The following DNM3 variants were observed in gnomAD, a reference collection of about 807,000 sequenced individuals.
The protein encoded by DNM3 is dynamin 3.
DNM3 carries 47 observed loss-of-function variants against 101.6 expected under a neutral mutation model. The ratio of observed to expected loss-of-function variants is 0.46; its 90% CI spans 0.37 to 0.59. The LOEUF (loss-of-function observed/expected upper bound fraction) is 0.59. Among genes scored for constraint, DNM3 ranks in the 20% least tolerant of loss-of-function variants. The pLI is 0.00. For missense variants in DNM3, 849 were observed against 1,085.7 expected, an observed-to-expected ratio of 0.78 and a Z score of 3.06; for synonymous variants, 385 against 387.9, an observed-to-expected ratio of 0.99 and a Z score of 0.09.
intron 2 of DNM3, among the ~76,000 whole-genome samples, chr1:171,934,109 G>A (rs2125380263): frequency 6.6e-6 from 1 of 152,286 alleles, no homozygotes; most frequent in African/African-American, 2.4e-5. Flanking sequence ...TGATGAAAAT[G>A]CCTTTTGTGT....
At chr1:171,995,620 C>A (rs1017718831) in intron 4 of DNM3, among the ~76,000 whole-genome samples, 8 of 152,178 alleles carry the variant, frequency 5.3e-5, no homozygotes, top group African/African-American at 1.7e-4. Flanking sequence ...TAACAACAAA[C>A]TTTTCATATA....
At chr1:171,868,738 G>T (rs531604850) in intron 1 of DNM3, among the ~76,000 whole-genome samples, 25 of 152,088 alleles carry the variant, frequency 1.6e-4, no homozygotes, top group African/African-American at 5.1e-4. Context: ...TGATTGAGCA[G>T]TTGTGGTGTG....
chr1:172,395,207 A>T (rs1427382616), intron 20 of DNM3, among the ~76,000 whole-genome samples: 1 of 145,012 alleles, frequency 6.9e-6, no homozygotes, highest in Non-Finnish European at 1.5e-5. Context: ...CGGAGTCTCT[A>T]TCACCCAGGC....
intron 10 of DNM3, among the ~76,000 whole-genome samples, chr1:172,063,381 T>C (rs978190094): frequency 1.3e-5 from 2 of 151,202 alleles, no homozygotes; most frequent in South Asian, 2.1e-4. Flanking sequence ...TTTTTTTTTT[T>C]CTCTAGGAAA....
In DNM3 at chr1:172,411,637, T is replaced by C. The variant is rs1046367201; in HGVS notation, c.*3796T>C. Reference sequence around the variant, plus strand: ...GAGAAGCTATCTAATACCTTGGAGGTAGGTCATCCACTTTTTCAGGTAAAC... The same window carrying C: ...GAGAAGCTATCTAATACCTTGGAGGCAGGTCATCCACTTTTTCAGGTAAAC... On this transcript the variant is annotated 3_prime_UTR_variant, in exon 21 of 21. Coordinates refer to ENST00000627582, the MANE Select transcript of DNM3 (RefSeq NM_015569.5). 5.0e-5 allele frequency: 49 copies of C among 984,958 alleles called. No individual in the cohort carries two copies. Among genetic ancestry groups the C allele is most frequent in the Non-Finnish European group, 5.7e-5 (47 of 829,784 alleles). 61.0% of individuals were successfully genotyped at this position (984,958 alleles called of 1,614,324 possible).
At chr1:172,069,436 A>G (rs1352338737) in intron 11 of DNM3, among the ~76,000 whole-genome samples, 1 of 152,154 alleles carries the variant, frequency 6.6e-6, no homozygotes, top group African/African-American at 2.4e-5. Context: ...TCTTTTAAAC[A>G]TTTCTATTTT....
At chr1:171,920,562 C>A (rs947668106) in intron 1 of DNM3, among the ~76,000 whole-genome samples, 2 of 152,162 alleles carry the variant, frequency 1.3e-5, no homozygotes, top group Non-Finnish European at 2.9e-5. Context: ...TTGAGAAAAA[C>A]TGCCACTGAG....
At chr1:172,220,693 A>C (rs2060875638) in intron 14 of DNM3, among the ~76,000 whole-genome samples, 1 of 152,166 alleles carries the variant, frequency 6.6e-6, no homozygotes, top group African/African-American at 2.4e-5. Flanking sequence ...AAGGGAAAGC[A>C]GTGTGTTTAA....
intron 16 of DNM3, among the ~76,000 whole-genome samples, chr1:172,316,254 G>A (rs1239065827): frequency 6.6e-6 from 1 of 151,970 alleles, no homozygotes; most frequent in African/African-American, 2.4e-5. Flanking sequence ...AACATGGAAA[G>A]GAAAAACCGG....
chr1:171,888,322 A>T (rs2036962285), intron 1 of DNM3, among the ~76,000 whole-genome samples: 1 of 152,190 alleles, frequency 6.6e-6, no homozygotes, highest in Admixed American at 6.6e-5. Flanking sequence ...ATTCTCACTT[A>T]GAGTAGGGGG....
intron 2 of DNM3, among the ~76,000 whole-genome samples, chr1:171,948,452 G>A (rs905952220): frequency 5.9e-5 from 9 of 152,122 alleles, no homozygotes; most frequent in Non-Finnish European, 1.0e-4. Flanking sequence ...GTTTTTGGGT[G>A]CTTGAGAATG....
intron 17 of DNM3, among the ~76,000 whole-genome samples, chr1:172,331,237 A>G (rs1417112582): frequency 5.3e-5 from 8 of 152,192 alleles, no homozygotes; most frequent in Non-Finnish European, 1.5e-5. Context: ...TAATATACAA[A>G]TAATGTATAC....
intron 14 of DNM3, among the ~76,000 whole-genome samples, chr1:172,244,375 G>A (rs2061865536): frequency 6.6e-6 from 1 of 152,046 alleles, no homozygotes; most frequent in Non-Finnish European, 1.5e-5. Context: ...AAACTAAAGA[G>A]CTTCTGCACA....
At chr1:172,365,284 C>T (rs1193083162) in intron 17 of DNM3, among the ~76,000 whole-genome samples, 3 of 151,830 alleles carry the variant, frequency 2.0e-5, no homozygotes, top group Non-Finnish European at 4.4e-5. Flanking sequence ...CTGAGTTTGC[C>T]TCAAAATAGT....
At chr1:172,378,455 G>C (rs148058976) in intron 17 of DNM3, among the ~76,000 whole-genome samples, 1 of 152,020 alleles carries the variant, frequency 6.6e-6, no homozygotes, top group African/African-American at 2.4e-5. Flanking sequence ...ATGAATTTAC[G>C]TAACAAATTC....
chr1:171,894,139 A>G (rs939445059), intron 1 of DNM3, among the ~76,000 whole-genome samples: 2 of 149,870 alleles, frequency 1.3e-5, no homozygotes, highest in East Asian at 4.0e-4. Context: ...TGTATTTTTA[A>G]TAGAGCCGGG....
intron 9 of DNM3, among the ~76,000 whole-genome samples, chr1:172,044,724 C>G (rs889762554): frequency 6.6e-6 from 1 of 152,164 alleles, no homozygotes; most frequent in East Asian, 1.9e-4. Flanking sequence ...ACCCCATTCT[C>G]CAGAGCCTTC....
chr1:172,167,374 A>C (rs181269337), intron 14 of DNM3, among the ~76,000 whole-genome samples: 8 of 152,226 alleles, frequency 5.3e-5, no homozygotes, highest in Admixed American at 6.5e-5. Flanking sequence ...GTGCCACCAT[A>C]AACATACGTG....
At chr1:172,287,833 A>G (rs1388883630) in intron 15 of DNM3, among the ~76,000 whole-genome samples, 2 of 150,746 alleles carry the variant, frequency 1.3e-5, no homozygotes, top group Non-Finnish European at 3.0e-5. Context: ...ACACACACAT[A>G]TATTTTTTGA....
Sources: allele counts gnomAD v4.1 joint callset (sites outside exome capture counted in the v4.1 genomes callset), GRCh38; gene constraint gnomAD v4.1.1; transcripts MANE v1.5; gene names NCBI Gene and HGNC (gene_info 2026-07-23, HGNC 2026-07-21).